HSPBAP1: variants seen among roughly 807,000 people sequenced by gnomAD.
The protein encoded by HSPBAP1 is HSPB1 associated protein 1.
HSPBAP1 carries 27 observed loss-of-function variants against 45.2 expected under a neutral mutation model. That is an observed-to-expected ratio of 0.60 (90% CI 0.44 to 0.82). The LOEUF is 0.82. Among genes scored for constraint, HSPBAP1 ranks in the 40% least tolerant of loss-of-function variants. HSPBAP1 has a pLI of 0.00. For synonymous variants in HSPBAP1, 204 were observed against 202.7 expected (o/e 1.01, Z -0.06); for missense variants, 510 against 590.9 (o/e 0.86, Z 1.42).
intron 1 of HSPBAP1, among the ~76,000 whole-genome samples, chr3:122,787,339 A>T (rs571284241): frequency 6.6e-6 from 1 of 152,358 alleles, no homozygotes; most frequent in East Asian, 1.9e-4. Flanking sequence ...TGAGAACGCC[A>T]ACTATCTGGT....
rs776365018 is a variant in HSPBAP1, at chr3:122,755,301, G to A, written c.700C>T (p.Arg234Trp). The A allele has an allele frequency of 1.5e-5, 24 of 1,601,504 alleles. No homozygotes were observed. Among genetic ancestry groups the A allele is most frequent in the Admixed American group, 8.7e-5 (5 of 57,496 alleles). ...GTAACCGCATGTCTTTGAGCTTTCCGGAACTGAGGAAAACGCTTTAAATCA... is the reference window on the plus strand; with the variant it reads ...GTAACCGCATGTCTTTGAGCTTTCCAGAACTGAGGAAAACGCTTTAAATCA... ...NPDLKRFPQF[R>W]KAQRHAVTLS... is the part of the protein sequence containing the mutation. The change falls in exon 5 of 8, where the codon CGG becomes TGG. Residue 234 changes from arginine (R) to tryptophan (W), a missense_variant. Arg to Trp is a moderately radical substitution (Grantham distance 101, BLOSUM62 -3). Coordinates refer to ENST00000306103, the MANE Select transcript of HSPBAP1 (RefSeq NM_024610.6).
intron 6 of HSPBAP1, among the ~76,000 whole-genome samples, chr3:122,748,190 C>G (rs1159369183): frequency 7.2e-5 from 11 of 152,066 alleles, no homozygotes; most frequent in African/African-American, 1.4e-4. Flanking sequence ...GCAGCGTGCT[C>G]GTTGAGAGTC....
chr3:122,764,122 C>G (rs193266450), intron 3 of HSPBAP1, among the ~76,000 whole-genome samples: 2 of 152,220 alleles, frequency 1.3e-5, no homozygotes, highest in Non-Finnish European at 2.9e-5. Flanking sequence ...CAACACAGAA[C>G]GTTTGTGTTC....
At chr3:122,782,977 T>C (rs1935539356) in intron 1 of HSPBAP1, among the ~76,000 whole-genome samples, 1 of 152,204 alleles carries the variant, frequency 6.6e-6, no homozygotes, top group African/African-American at 2.4e-5. Context: ...CAGCAGGCTC[T>C]AAGCCCTTGG....
rs757349624 is a variant in HSPBAP1, at chr3:122,793,632, C to T, written c.49G>A (p.Ala17Thr). 1.9e-4 allele frequency: 301 copies of T among 1,613,944 alleles called. 4 individuals carry two copies. In the South Asian group the frequency reaches 3.2e-3, roughly 17 times the overall value. Reference sequence around the variant, plus strand: ...TGGCACCTACCTTCCTCCCCTCCAGCCCCAGCCGCAACGATCACAGGAGTG... The same window carrying T: ...TGGCACCTACCTTCCTCCCCTCCAGTCCCAGCCGCAACGATCACAGGAGTG... ...ATTPVIVAAG[A>T]GGEEGEHVKP... Residue 17 changes from alanine to threonine, a missense_variant, in exon 1 of 8, where the codon GCT becomes ACT. Transcript: ENST00000306103.
At chr3:122,747,417 C>T (rs1353849719) in intron 6 of HSPBAP1, among the ~76,000 whole-genome samples, 6 of 151,110 alleles carry the variant, frequency 4.0e-5, no homozygotes, top group Admixed American at 2.0e-4. Flanking sequence ...CCCCTCCGCC[C>T]GGCAACCACA....
intron 6 of HSPBAP1, among the ~76,000 whole-genome samples, chr3:122,749,669 C>T (rs1424940641): frequency 6.6e-6 from 1 of 152,152 alleles, no homozygotes; most frequent in Non-Finnish European, 1.5e-5. Flanking sequence ...AGTGCAATGG[C>T]GCGATCTCAG....
chr3:122,784,263 A>T (rs1010685096), intron 1 of HSPBAP1, among the ~76,000 whole-genome samples: 3 of 152,256 alleles, frequency 2.0e-5, no homozygotes, highest in African/African-American at 7.2e-5. Flanking sequence ...TGGGATATAA[A>T]TTGGAATCAT....
At chr3:122,780,758 C>T (rs1478621381) in intron 1 of HSPBAP1, among the ~76,000 whole-genome samples, 3 of 149,458 alleles carry the variant, frequency 2.0e-5, no homozygotes, top group African/African-American at 5.0e-5. Context: ...ACTTCTCAGA[C>T]GGGGCGGCTG....
At chr3:122,755,029 A>G (rs563871743) in intron 5 of HSPBAP1, 48 of 1,192,500 alleles carry the variant, frequency 4.0e-5, no homozygotes, top group Admixed American at 8.9e-5. Context: ...CTCTTTACCA[A>G]TAGGAGGAGC....
At chr3:122,761,477 G>C (rs1185995338) in intron 3 of HSPBAP1, 1 of 152,158 alleles carries the variant, frequency 6.6e-6, no homozygotes, top group African/African-American at 2.4e-5. Flanking sequence ...GACTTAAAAA[G>C]CAAAACTGTC....
intron 2 of HSPBAP1, among the ~76,000 whole-genome samples, chr3:122,771,830 C>T (rs1232920845): frequency 6.6e-6 from 1 of 152,204 alleles, no homozygotes; most frequent in African/African-American, 2.4e-5. Context: ...TTCAAGTATT[C>T]TAGATAAATT....
intron 6 of HSPBAP1, among the ~76,000 whole-genome samples, chr3:122,744,059 AGTTTACTG>A (rs1458148780): frequency 1.4e-5 from 2 of 148,114 alleles, no homozygotes; most frequent in African/African-American, 5.0e-5. Context: ...TTAGGTAATG[AGTTTACTG>A]GTGCTCGTTG....
At chr3:122,761,177 G>GA (rs375693019) in intron 3 of HSPBAP1, among the ~76,000 whole-genome samples, 1 of 152,028 alleles carries the variant, frequency 6.6e-6, no homozygotes, top group African/African-American at 2.4e-5. Flanking sequence ...GTATAAAAAG[G>GA]AAAAAAGAGA....
intron 6 of HSPBAP1, among the ~76,000 whole-genome samples, chr3:122,746,800 G>C (rs142895723): frequency 2.0e-5 from 3 of 151,912 alleles, no homozygotes; most frequent in African/African-American, 7.3e-5. Flanking sequence ...TTGCAGGCGC[G>C]CGCCGCCACG....
Position 122,740,186 on chromosome 3 carries a change from A to G in HSPBAP1, c.*159T>C. Reference sequence around the variant, plus strand: ...CCAGTTTGGCCAAAGAGGAATGTGCATGAAAGAAGGTGGCAACAGACTGAC... The same window carrying G: ...CCAGTTTGGCCAAAGAGGAATGTGCGTGAAAGAAGGTGGCAACAGACTGAC... On this transcript the variant is annotated 3_prime_UTR_variant, in exon 8 of 8. Coordinates refer to ENST00000306103, the MANE Select transcript of HSPBAP1 (RefSeq NM_024610.6). 1 of 450,114 alleles carries G rather than the reference A, an allele frequency of 2.2e-6. No homozygotes were observed. Among genetic ancestry groups the G allele is most frequent in the Non-Finnish European group, 3.7e-6 (1 of 267,096 alleles). 27.9% of individuals were successfully genotyped at this position (450,114 alleles called of 1,614,324 possible).
intron 2 of HSPBAP1, among the ~76,000 whole-genome samples, chr3:122,776,352 T>C (rs1457862722): frequency 6.6e-6 from 1 of 152,208 alleles, no homozygotes; most frequent in African/African-American, 2.4e-5. Context: ...AGAGAGTTAT[T>C]TTCCTTTTTT....
intron 2 of HSPBAP1, among the ~76,000 whole-genome samples, chr3:122,771,780 AC>A (rs1935009264): frequency 1.3e-5 from 2 of 152,356 alleles, no homozygotes; most frequent in Admixed American, 1.3e-4. Context: ...AAACTAAGGA[AC>A]ACATGATATT....
chr3:122,774,684 C>G (rs1168820135), intron 2 of HSPBAP1, among the ~76,000 whole-genome samples: 1 of 152,210 alleles, frequency 6.6e-6, no homozygotes, highest in Admixed American at 6.5e-5. Context: ...GATGAGGCCA[C>G]GCAACTATGG....
Sources: gnomAD v4.1 joint callset for allele counts (sites outside exome capture counted in the v4.1 genomes callset) on GRCh38, gnomAD v4.1.1 for gene constraint, MANE v1.5 for transcripts, NCBI Gene and HGNC (gene_info 2026-07-23, HGNC 2026-07-21) for gene names.